The following CBFA2T3 variants were observed in gnomAD, a reference collection of about 807,000 sequenced individuals.
The protein encoded by CBFA2T3 is transcriptional corepressor CBFA2T3.
Under a neutral mutation model 58.6 loss-of-function variants are expected in CBFA2T3, and 31 were observed. The ratio of observed to expected loss-of-function variants is 0.53; its 90% confidence interval spans 0.40 to 0.71. The LOEUF (loss-of-function observed/expected upper bound fraction) is 0.71. Among genes scored for constraint, CBFA2T3 ranks in the 30% least tolerant of loss-of-function variants. CBFA2T3 has a pLI of 0.00. For missense variants in CBFA2T3, 1,076 were observed against 963.1 expected, an observed-to-expected ratio of 1.12 and a Z score of -1.55; for synonymous variants, 531 against 421.9, an observed-to-expected ratio of 1.26 and a Z score of -3.17.
chr16:88,900,354 C>T (rs1444665802), intron 2 of CBFA2T3, among the ~76,000 whole-genome samples: 2 of 152,274 alleles, frequency 1.3e-5, no homozygotes, highest in Non-Finnish European at 2.9e-5. Context: ...GCTGCCTGAC[C>T]GCACAGCCAG....
At chr16:88,923,695 CAT>C (rs980948630) in intron 1 of CBFA2T3, among the ~76,000 whole-genome samples, 56 of 152,358 alleles carry the variant, frequency 3.7e-4, no homozygotes, top group East Asian at 7.7e-4. Context: ...CCGGCTCACA[CAT>C]GTCGCTCCTG....
At chr16:88,910,356 G>A (rs1970492565) in intron 1 of CBFA2T3, among the ~76,000 whole-genome samples, 1 of 152,196 alleles carries the variant, frequency 6.6e-6, no homozygotes. Flanking sequence ...CGCCTGTCCT[G>A]CTCCTTCTCT....
intron 3 of CBFA2T3, among the ~76,000 whole-genome samples, chr16:88,894,363 T>C (rs1430958016): frequency 2.3e-5 from 2 of 87,524 alleles, no homozygotes; most frequent in East Asian, 5.5e-4. Context: ...CATGCATACA[T>C]ATACACATGC....
intron 1 of CBFA2T3, among the ~76,000 whole-genome samples, chr16:88,949,285 G>A (rs1299376927): frequency 2.6e-5 from 4 of 152,216 alleles, no homozygotes; most frequent in South Asian, 2.1e-4. Flanking sequence ...GAGGCCGGGC[G>A]CGGCGCCTCA....
At chr16:88,966,219 G>A (rs1018756434) in intron 1 of CBFA2T3, among the ~76,000 whole-genome samples, 3 of 152,206 alleles carry the variant, frequency 2.0e-5, no homozygotes, top group Admixed American at 6.5e-5. Context: ...GTCACAGCAC[G>A]GCTTCCTGAA....
chr16:88,893,479 T>G (rs1969735116), intron 3 of CBFA2T3, among the ~76,000 whole-genome samples: 1 of 152,110 alleles, frequency 6.6e-6, no homozygotes, highest in African/African-American at 2.4e-5. Context: ...ATGCCTTCAT[T>G]TGCACACAGC....
intron 1 of CBFA2T3, among the ~76,000 whole-genome samples, chr16:88,942,557 T>G (rs374858756): frequency 7.2e-5 from 11 of 152,118 alleles, no homozygotes; most frequent in African/African-American, 2.7e-4. Context: ...CCACCTGAGC[T>G]GGCAGAGGAA....
At chr16:88,914,294 A>T (rs752417049) in intron 1 of CBFA2T3, among the ~76,000 whole-genome samples, 1 of 152,160 alleles carries the variant, frequency 6.6e-6, no homozygotes, top group Non-Finnish European at 1.5e-5. Context: ...CCAGAGGGGG[A>T]TCGGAGGCCT....
At chr16:88,920,797 TGCCAGCCCCAGCTGGGTGGTCTTCCTCCA>T (rs1214950944) in intron 1 of CBFA2T3, among the ~76,000 whole-genome samples, 2 of 152,166 alleles carry the variant, frequency 1.3e-5, no homozygotes, top group Non-Finnish European at 2.9e-5. Context: ...CCTGCCTGCT[TGCCAGCCCCAGCTGGGTGGTCTTCCTCCA>T]GCCAGGCCCA....
Position 88,926,716 on chromosome 16 carries a change from T to C in CBFA2T3, c.152-25060A>G, listed in dbSNP as rs1971095954. Among the ~76,000 whole-genome samples the C allele has an allele frequency of 2.0e-5, 3 of 152,194 alleles. No individual in the cohort carries two copies. In the South Asian group the frequency reaches 6.2e-4, roughly 31 times the overall value. On this transcript the variant is annotated intron_variant, in intron 1 of 11. Transcript: ENST00000268679. ...GTGCCAGGGTGGGGCCTGCTGAGCC[T>C]CAGTTTCCTCGGCTGTAAGACGGGA...
chr16:88,880,418 C>T (rs777863498), intron 10 of CBFA2T3, among the ~76,000 whole-genome samples: 20 of 152,234 alleles, frequency 1.3e-4, no homozygotes, highest in Admixed American at 2.6e-4. Context: ...GCGTGCCTGA[C>T]GCGCCCAGGC....
At chr16:88,941,482 G>A (rs1202013262) in intron 1 of CBFA2T3, among the ~76,000 whole-genome samples, 1 of 148,312 alleles carries the variant, frequency 6.7e-6, no homozygotes, top group Non-Finnish European at 1.5e-5. Flanking sequence ...CTGGAGAGGG[G>A]CTCCCCGCCG....
intron 1 of CBFA2T3, among the ~76,000 whole-genome samples, chr16:88,934,796 G>A (rs1053227534): frequency 1.5e-4 from 23 of 152,292 alleles, no homozygotes; most frequent in African/African-American, 5.3e-4. Flanking sequence ...CTGGAGTGCA[G>A]TGGCGCGATC....
chr16:88,893,588 C>T (rs945642908), intron 3 of CBFA2T3, among the ~76,000 whole-genome samples: 10 of 152,206 alleles, frequency 6.6e-5, no homozygotes, highest in African/African-American at 2.4e-4. Flanking sequence ...CACGCAGATG[C>T]CCGTGCACAC....
At chr16:88,908,247 C>T (rs989608979) in intron 1 of CBFA2T3, among the ~76,000 whole-genome samples, 3 of 152,032 alleles carry the variant, frequency 2.0e-5, no homozygotes, top group African/African-American at 7.2e-5. Context: ...GAGGCTGAGG[C>T]CGGAGAATTA....
rs547615175 is a variant in CBFA2T3, at chr16:88,967,349, G to A, written c.151+9308C>T. 3.3e-4 allele frequency among the ~76,000 whole-genome samples: 50 copies of A among 152,390 alleles called. 1 individual carries two copies. The highest frequency in any genetic ancestry group is 1.0e-3 in the South Asian group (5 of 4,832). On this transcript the variant is annotated intron_variant, in intron 1 of 11. Coordinates refer to ENST00000268679, the MANE Select transcript of CBFA2T3 (RefSeq NM_005187.6). ...TTCGATGCCTTTTCTGTAACTGTGCGAGACACACTGCCTGGGAGCGACGGG... is the reference window on the plus strand; with the variant it reads ...TTCGATGCCTTTTCTGTAACTGTGCAAGACACACTGCCTGGGAGCGACGGG...
chr16:88,954,568 C>T (rs1321525642), intron 1 of CBFA2T3, among the ~76,000 whole-genome samples: 3 of 72,364 alleles, frequency 4.1e-5, no homozygotes, highest in Non-Finnish European at 8.7e-5. Flanking sequence ...GCTCCTGACC[C>T]TACCCAAGGC....
intron 1 of CBFA2T3, chr16:88,936,997 G>A (rs916350755): frequency 2.6e-5 from 4 of 152,228 alleles, no homozygotes; most frequent in Non-Finnish European, 4.4e-5. Flanking sequence ...CTACAAGGGC[G>A]GTTTCCACTC....
At chr16:88,903,972 C>T (rs897058555) in intron 1 of CBFA2T3, among the ~76,000 whole-genome samples, 2 of 152,218 alleles carry the variant, frequency 1.3e-5, no homozygotes, top group Non-Finnish European at 2.9e-5. Context: ...GCTGGACGGG[C>T]GCTCGTAGGA....
Sources: gnomAD v4.1 joint callset for allele counts (sites outside exome capture counted in the v4.1 genomes callset) on GRCh38, gnomAD v4.1.1 for gene constraint, MANE v1.5 for transcripts, NCBI Gene and HGNC (gene_info 2026-07-23, HGNC 2026-07-21) for gene names.